The following ARHGAP20 variants were observed in gnomAD, a reference collection of about 807,000 sequenced individuals.
ARHGAP20 encodes the protein Rho GTPase activating protein 20, also known as rho GTPase-activating protein 20.
In ARHGAP20, 34 loss-of-function variants were observed where a neutral mutation model predicts 73.7. The observed-to-expected ratio is 0.46, with a 90% CI of 0.35 to 0.61. The LOEUF is 0.61. ARHGAP20 is among the 20% of genes least tolerant of loss of function. The pLI, the probability that ARHGAP20 is intolerant of heterozygous loss-of-function variation, is 0.00. For missense variants in ARHGAP20, 1,314 were observed against 1,420.9 expected (o/e 0.92, Z 1.21); for synonymous variants, 523 against 518.2 (o/e 1.01, Z -0.13).
intron 2 of ARHGAP20, among the ~76,000 whole-genome samples, chr11:110,664,815 AG>A (rs886959797): frequency 6.6e-6 from 1 of 152,138 alleles, no homozygotes; most frequent in African/African-American, 2.4e-5. Context: ...ATATGAAAAA[AG>A]ATATAAAGCA....
rs1009041190 is a variant in ARHGAP20 at position 110,647,967 on chromosome 11, G to GT, written c.189-17176dup. Among the ~76,000 whole-genome samples, 48 of 151,760 alleles carry GT rather than the reference G, an allele frequency of 3.2e-4. 1 individual carries two copies. The South Asian group carries it at 3.9e-3, about 12-fold the overall frequency. ...GTTGAAGTTAAGAATCCATTGATAT[G>GT]TTATAAAGAAAGGAAGTCAGAACAC... On this transcript the variant is annotated intron_variant, in intron 2 of 14. Transcript: ENST00000683387.
chr11:110,591,067 G>A (rs1266106558), intron 10 of ARHGAP20, among the ~76,000 whole-genome samples: 1 of 151,986 alleles, frequency 6.6e-6, no homozygotes, highest in Admixed American at 6.6e-5. Context: ...GGAGGAATAA[G>A]GTCACATGAT....
chr11:110,579,931 T>A lies in ARHGAP20; in HGVS notation c.3015A>T (p.Ser1005=), dbSNP rs147768508. Reference sequence around the variant, plus strand: ...CTGGGCGGCTGCAAGCCTGCCCTGATGAGGGACCGGGCATTCCGGAAACAT... The same window carrying A: ...CTGGGCGGCTGCAAGCCTGCCCTGAAGAGGGACCGGGCATTCCGGAAACAT... ...ASHVSGMPGP[S]SGQACSRPAY... Residue 1005 remains serine, a synonymous_variant, in exon 15 of 15, where the codon TCA becomes TCT. Transcript: ENST00000683387. 6.2e-7 allele frequency: 1 copy of A among 1,614,098 alleles called. No homozygotes were observed. The highest frequency in any genetic ancestry group is 1.3e-5 in the African/African-American group (1 of 74,940).
chr11:110,657,990 T>C (rs1949509689), intron 2 of ARHGAP20, among the ~76,000 whole-genome samples: 1 of 148,542 alleles, frequency 6.7e-6, no homozygotes, highest in Non-Finnish European at 1.5e-5. Flanking sequence ...AGGGCTGAAG[T>C]ATGGGGAGGA....
intron 2 of ARHGAP20, among the ~76,000 whole-genome samples, chr11:110,652,647 G>T (rs562130643): frequency 9.9e-5 from 15 of 152,154 alleles, no homozygotes; most frequent in African/African-American, 3.4e-4. Context: ...TCGCTACAAA[G>T]AGAATAAAAT....
chr11:110,583,228 G>T (rs555749094), intron 13 of ARHGAP20, among the ~76,000 whole-genome samples: 1 of 152,300 alleles, frequency 6.6e-6, no homozygotes, highest in East Asian at 1.9e-4. Flanking sequence ...CTGGCAAGGG[G>T]TGGAGCTGAG....
chr11:110,592,756 G>C (rs1591301358), intron 9 of ARHGAP20, among the ~76,000 whole-genome samples: 1 of 152,158 alleles, frequency 6.6e-6, no homozygotes. Flanking sequence ...GAATCCTTTA[G>C]TATCTGACAT....
chr11:110,709,222 A>G (rs1409004622), intron 1 of ARHGAP20, among the ~76,000 whole-genome samples: 4 of 152,196 alleles, frequency 2.6e-5, no homozygotes, highest in Admixed American at 6.5e-5. Flanking sequence ...AATATTTAGT[A>G]TCTGGTCCTT....
chr11:110,685,616 T>A (rs1950118619), intron 2 of ARHGAP20, among the ~76,000 whole-genome samples: 1 of 152,180 alleles, frequency 6.6e-6, no homozygotes, highest in Non-Finnish European at 1.5e-5. Flanking sequence ...TTAATTTAAA[T>A]ATTTCTTCCT....
intron 2 of ARHGAP20, among the ~76,000 whole-genome samples, chr11:110,664,547 T>C (rs1434572715): frequency 3.3e-5 from 5 of 151,788 alleles, no homozygotes; most frequent in African/African-American, 1.2e-4. Context: ...GCTAACACGG[T>C]GAAACCCCAT....
intron 1 of ARHGAP20, among the ~76,000 whole-genome samples, chr11:110,710,555 GGGCTAGCCTGA>G (rs1424815046): frequency 1.3e-5 from 2 of 152,142 alleles, no homozygotes; most frequent in Non-Finnish European, 2.9e-5. Flanking sequence ...AGTAAATGTA[GGGCTAGCCTGA>G]TAAATTCACG....
Position 110,579,389 on chromosome 11 carries a change from T to C in ARHGAP20, c.3557A>G (p.Tyr1186Cys), listed in dbSNP as rs754164134. The change falls in exon 15 of 15, where the codon TAT becomes TGT. Residue 1186 changes from tyrosine (Y) to cysteine (C), a missense_variant. This residue lies in a region of ARHGAP20 where 641 missense variants were observed against 636.9 expected (regional missense o/e 1.01). Coordinates refer to ENST00000683387, the MANE Select transcript of ARHGAP20 (RefSeq NM_001384657.1). ...CTATGCTTAAATGTCTTTGGTTAAA[T>C]ACCTGTCCTCAATGTCGCAGACCAC... ...PTVVCDIEDRYLTKDI is the reference protein window; with the variant it reads ...PTVVCDIEDRCLTKDI The C allele has an allele frequency of 3.8e-6, 6 of 1,597,012 alleles. No homozygotes were observed. Among genetic ancestry groups the C allele is most frequent in the Non-Finnish European group, 5.1e-6 (6 of 1,166,662 alleles).
chr11:110,594,167 G>A (rs1947896023), intron 9 of ARHGAP20, among the ~76,000 whole-genome samples: 1 of 152,140 alleles, frequency 6.6e-6, no homozygotes, highest in African/African-American at 2.4e-5. Context: ...GGATAAATAA[G>A]TAAGCAACGT....
intron 2 of ARHGAP20, among the ~76,000 whole-genome samples, chr11:110,635,263 T>C (rs1337479673): frequency 1.3e-5 from 2 of 152,086 alleles, no homozygotes; most frequent in African/African-American, 4.8e-5. Flanking sequence ...ATCAGCATCA[T>C]CATCATCAAC....
chr11:110,668,557 G>A (rs1053403935), intron 2 of ARHGAP20, among the ~76,000 whole-genome samples: 1 of 152,080 alleles, frequency 6.6e-6, no homozygotes, highest in African/African-American at 2.4e-5. Context: ...GCTGAGGTGG[G>A]AGGATCACTT....
chr11:110,583,658 A>G lies in ARHGAP20; in HGVS notation c.1495T>C (p.Ser499Pro). 1 of 1,612,632 alleles carries G rather than the reference A, an allele frequency of 6.2e-7. No individual in the cohort carries two copies. The highest frequency in any genetic ancestry group is 2.2e-5 in the East Asian group (1 of 44,814). ...AATGCAGTCATCTGATTGGATGAGG[A>G]ATGTTGCTCAATGTTGTGTAACACC... ...FGVLHNIEQH[S>P]SSNQMTAFNL... Residue 499 changes from serine (S) to proline (P), a missense_variant, in exon 13 of 15, where the codon TCC becomes CCC. Transcript: ENST00000683387.
chr11:110,584,966 T>TATATGA (rs144081658), intron 12 of ARHGAP20, among the ~76,000 whole-genome samples: 29,652 of 105,570 alleles, frequency 0.28, 3,297 homozygotes, highest in Admixed American at 0.43. Flanking sequence ...TATATGTGAA[T>TATATGA]ATATGAATAT....
chr11:110,589,816 C>T (rs1388447572), intron 11 of ARHGAP20: 1 of 711,370 alleles, frequency 1.4e-6, no homozygotes, highest in Non-Finnish European at 1.7e-6. Flanking sequence ...ATTCTTACTC[C>T]ACTTTTAAAG....
chr11:110,690,951 T>TA, intron 1 of ARHGAP20: 1 of 1,473,344 alleles, frequency 6.8e-7, no homozygotes, highest in Non-Finnish European at 9.1e-7. Flanking sequence ...GGCTCTATGC[T>TA]AAAGGCTGGA....
Sources: allele counts gnomAD v4.1 joint callset (sites outside exome capture counted in the v4.1 genomes callset), GRCh38; gene constraint gnomAD v4.1.1; regional missense constraint gnomAD v4.1.1; transcripts MANE v1.5; gene names NCBI Gene and HGNC (gene_info 2026-07-23, HGNC 2026-07-21).